Variants in ZNF232 observed in about 807,000 individuals in gnomAD.
The protein encoded by ZNF232 is zinc finger protein 232, also known as zinc finger and SCAN domain-containing protein 11.
ZNF232 carries 25 observed loss-of-function variants against 25.2 expected under a neutral mutation model. The observed-to-expected ratio is 0.99, with a 90% CI of 0.72 to 1.39. The LOEUF is 1.39. Among genes scored for constraint, ZNF232 ranks in the 40% most tolerant of loss-of-function variants. ZNF232 has a pLI of 0.00. For missense variants in ZNF232, 519 were observed against 520.9 expected (o/e 1.00, Z 0.04); for synonymous variants, 193 against 182.9 (o/e 1.06, Z -0.45).
At chr17:5,117,515 CAAA>C (rs59282298) in intron 1 of ZNF232, among the ~76,000 whole-genome samples, 7 of 61,982 alleles carry the variant, frequency 1.1e-4, no homozygotes, top group Admixed American at 3.5e-4. Context: ...GACTCCGTCT[CAAA>C]AAAAAAAAAA....
chr17:5,113,704 T>G (rs1232807344), upstream of ZNF232: 1 of 152,254 alleles, frequency 6.6e-6, no homozygotes, highest in Non-Finnish European at 1.5e-5. Context: ...TTGGATTAGA[T>G]TCTGTCCCAG....
chr17:5,111,556 C>G (rs1376084306), intron 1 of ZNF232: 1 of 600,472 alleles, frequency 1.7e-6, no homozygotes, highest in Non-Finnish European at 2.8e-6. Context: ...CCTTCCCACC[C>G]TTCACTCCCT....
At chr17:5,111,693 G>T in intron 1 of ZNF232, 107 bp downstream of exon 1, 2 of 1,574,584 alleles carry the variant, frequency 1.3e-6, no homozygotes, top group Non-Finnish European at 8.7e-7. Context: ...ACACACAACC[G>T]CGGAGCTGCC....
upstream of ZNF232, among the ~76,000 whole-genome samples, chr17:5,115,577 A>ACACACACACACACAC (rs1567761979): frequency 1.3e-4 from 10 of 79,018 alleles, no homozygotes; most frequent in African/African-American, 5.0e-4. Flanking sequence ...CACACACACA[A>ACACACACACACACAC]AACCCAAAAC....
chr17:5,111,634 A>G lies in ZNF232; in HGVS notation c.23+166T>C, dbSNP rs1404488018. The G allele has an allele frequency of 6.1e-6, 6 of 987,480 alleles. No homozygotes were observed. The African/African-American group carries it at 8.3e-5, about 14-fold the overall frequency. The allele number at this position is 987,480 out of a possible 1,614,324, so 61.2% of individuals were successfully genotyped here. A position where few individuals can be genotyped will look rare whatever the true frequency, so the allele number is the denominator to read the frequency against. On this transcript the variant is annotated intron_variant, in intron 1 of 3. Coordinates refer to ENST00000575898, the Ensembl canonical transcript of ZNF232. ...CCCTCCACGGCACGTGACGCGACGCAACGCAGGTAGCGCAGCGCGGGCACC... is the reference window on the plus strand; with the variant it reads ...CCCTCCACGGCACGTGACGCGACGCGACGCAGGTAGCGCAGCGCGGGCACC...
intron 1 of ZNF232, among the ~76,000 whole-genome samples, chr17:5,119,349 T>A (rs1474038343): frequency 1.3e-5 from 2 of 152,242 alleles, no homozygotes; most frequent in Non-Finnish European, 2.9e-5. Flanking sequence ...CATTACTACA[T>A]TAGCTTCTGC....
exon 2 of ZNF232, chr17:5,109,497 G>A: frequency 6.2e-7 from 1 of 1,614,192 alleles, no homozygotes; most frequent in Non-Finnish European, 8.5e-7. Flanking sequence ...GAGCTCCTCA[G>A]GCAGGATGGT....
At chr17:5,114,356 C>G (rs550554013), upstream of ZNF232, 5 of 152,274 alleles carry the variant, frequency 3.3e-5, no homozygotes, top group Admixed American at 3.3e-4. Context: ...TCTATGATGT[C>G]GAATAAAGTG....
intron 3 of ZNF232, among the ~76,000 whole-genome samples, chr17:5,107,543 CT>C (rs563790270): frequency 3.8e-4 from 55 of 143,438 alleles, no homozygotes; most frequent in East Asian, 1.0e-3. Flanking sequence ...GGTCATTTGA[CT>C]TTTTTTTTTT....
exon 4 of ZNF232, chr17:5,105,973 A>T: frequency 6.2e-7 from 1 of 1,614,150 alleles, no homozygotes. Flanking sequence ...CTTTGACTAA[A>T]GGCCTTCCCA....
chr17:5,115,378 C>T (rs967309454), upstream of ZNF232, among the ~76,000 whole-genome samples: 6 of 151,944 alleles, frequency 3.9e-5, no homozygotes, highest in Non-Finnish European at 7.4e-5. Flanking sequence ...ATGGTGAAAC[C>T]CTCTCTCTAC....
chr17:5,106,555 A>G (rs969070287), intron 3 of ZNF232, 22 bp from the exon 4 acceptor site: 6 of 1,544,782 alleles, frequency 3.9e-6, no homozygotes, highest in Non-Finnish European at 3.5e-6. Context: ...AAGAAATGAC[A>G]CTTAGATTAA....
At chr17:5,105,795 TTC>T (rs1256291370) in exon 4 of ZNF232, 4 of 1,526,654 alleles carry the variant, frequency 2.6e-6, no homozygotes, top group Non-Finnish European at 3.5e-6. Flanking sequence ...CGATGTAGAA[TTC>T]TGTCTGGAGA....
chr17:5,108,716 G>C (rs952624162), intron 3 of ZNF232: 20 of 632,004 alleles, frequency 3.2e-5, no homozygotes, highest in Non-Finnish European at 5.0e-5. Flanking sequence ...TTAATCCTCA[G>C]AGCTATCTTA....
intron 1 of ZNF232, among the ~76,000 whole-genome samples, chr17:5,122,624 G>T (rs2072720892): frequency 6.6e-6 from 1 of 151,874 alleles, no homozygotes; most frequent in Non-Finnish European, 1.5e-5. Context: ...GGGCCCTCCC[G>T]GAACGGCCGG....
At chr17:5,115,583 A>G (rs2072515915), upstream of ZNF232, among the ~76,000 whole-genome samples, 1 of 101,404 alleles carries the variant, frequency 9.9e-6, no homozygotes. Context: ...CACAAAACCC[A>G]AAACGGAACA....
intron 1 of ZNF232, among the ~76,000 whole-genome samples, chr17:5,110,274 C>T (rs893077882): frequency 1.3e-5 from 2 of 152,162 alleles, no homozygotes; most frequent in African/African-American, 2.4e-5. Flanking sequence ...CCTGTAGTCC[C>T]GCTTTTTCTT....
At chr17:5,119,099 A>G (rs1191626800) in intron 1 of ZNF232, among the ~76,000 whole-genome samples, 2 of 152,184 alleles carry the variant, frequency 1.3e-5, no homozygotes, top group Non-Finnish European at 2.9e-5. Context: ...CTCTATCACT[A>G]TCAAGTATTT....
chr17:5,114,954 T>G (rs1481348184), upstream of ZNF232: 2 of 152,282 alleles, frequency 1.3e-5, no homozygotes, highest in Non-Finnish European at 2.9e-5. Flanking sequence ...TGGGCCCTGG[T>G]CACAGCCTTG....
Sources: gnomAD v4.1 joint callset for allele counts (sites outside exome capture counted in the v4.1 genomes callset) on GRCh38, gnomAD v4.1.1 for gene constraint, MANE v1.5 for transcripts, NCBI Gene and HGNC (gene_info 2026-07-23, HGNC 2026-07-21) for gene names.